The following SLC22A23 variants were observed in gnomAD, a reference collection of about 807,000 sequenced individuals.
SLC22A23 encodes solute carrier family 22 member 23, also known as ion transporter protein.
SLC22A23 carries 26 observed loss-of-function variants against 61.0 expected under a neutral mutation model. The ratio of observed to expected loss-of-function variants is 0.43; its 90% confidence interval spans 0.31 to 0.59. The LOEUF is 0.59. SLC22A23 is among the 20% of genes least tolerant of loss of function. The pLI is 0.11. For missense variants in SLC22A23, 796 were observed against 934.7 expected, an observed-to-expected ratio of 0.85 and a Z score of 1.94; for synonymous variants, 430 against 413.9, an observed-to-expected ratio of 1.04 and a Z score of -0.47.
intron 3 of SLC22A23, among the ~76,000 whole-genome samples, chr6:3,381,152 C>T (rs956999418): frequency 2.0e-5 from 3 of 152,112 alleles, no homozygotes; most frequent in South Asian, 4.1e-4. Context: ...CATCAGAGCC[C>T]GAGAACCATC....
intron 3 of SLC22A23, among the ~76,000 whole-genome samples, chr6:3,391,684 A>G (rs1319753072): frequency 6.6e-6 from 1 of 152,220 alleles, no homozygotes; most frequent in Non-Finnish European, 1.5e-5. Flanking sequence ...GATGAGTGGT[A>G]TGCGGAGATA....
intron 2 of SLC22A23, among the ~76,000 whole-genome samples, chr6:3,413,712 T>G (rs1196581266): frequency 6.6e-6 from 1 of 152,240 alleles, no homozygotes; most frequent in East Asian, 1.9e-4. Flanking sequence ...CCACTTCCCC[T>G]GCAGCCATGA....
intron 1 of SLC22A23, among the ~76,000 whole-genome samples, chr6:3,429,160 G>A (rs1429046786): frequency 6.6e-6 from 1 of 152,194 alleles, no homozygotes; most frequent in Non-Finnish European, 1.5e-5. Context: ...GGGTACAACA[G>A]TCCTGTCACC....
chr6:3,292,533 A>G lies in SLC22A23; in HGVS notation c.1211-2667T>C, dbSNP rs912650874. On this transcript the variant is annotated intron_variant, in intron 5 of 9. Coordinates refer to ENST00000406686, the MANE Select transcript of SLC22A23 (RefSeq NM_015482.2). ...GAGGACACATCAGCCTGCTTGACTT[A>G]GAGCCATCAGAAAATTTTCCAACCA... Among the ~76,000 whole-genome samples, 144 of 152,342 alleles carry G rather than the reference A, an allele frequency of 9.5e-4. 6 individuals are homozygous for G. The highest frequency in any genetic ancestry group is 7.8e-4 in the Admixed American group (12 of 15,304).
chr6:3,407,132 TG>T (rs1768894593), intron 3 of SLC22A23, among the ~76,000 whole-genome samples: 1 of 152,196 alleles, frequency 6.6e-6, no homozygotes, highest in African/African-American at 2.4e-5. Flanking sequence ...GAAAAGAAGT[TG>T]GGGCCATTAC....
rs11962937 is a variant in SLC22A23, at chr6:3,454,684, C to T, written c.654+1222G>A. The stretch of plus-strand genomic sequence containing the variant: ...TGAACCCAGCTAGAAGGACCTTCCC[C>T]ATTACCTTGCAGGGCAGCAGGGGCA... On this transcript the variant is annotated intron_variant, in intron 1 of 9. Transcript: ENST00000406686. This position sits in a 1 kb window ranked among gnomAD's most constrained non-coding sequence, Gnocchi z 4.3. Among the ~76,000 whole-genome samples the T allele has an allele frequency of 0.011, 1,629 of 152,272 alleles. 30 individuals carry two copies. Among genetic ancestry groups the T allele is most frequent in the African/African-American group, 0.037 (1,544 of 41,562 alleles).
At chr6:3,290,935 A>T (rs1760525367) in intron 5 of SLC22A23, 1 of 152,316 alleles carries the variant, frequency 6.6e-6, no homozygotes, top group Non-Finnish European at 1.5e-5. Flanking sequence ...AACAAGAAAG[A>T]CTGAGCAGCT....
intron 1 of SLC22A23, among the ~76,000 whole-genome samples, chr6:3,448,964 G>A (rs866687432): frequency 6.6e-6 from 1 of 152,288 alleles, no homozygotes; most frequent in Middle Eastern, 3.4e-3. Context: ...AGGAAAGGGA[G>A]ACCTGTGACC....
At chr6:3,385,249 A>G (rs893958736) in intron 3 of SLC22A23, among the ~76,000 whole-genome samples, 2 of 152,184 alleles carry the variant, frequency 1.3e-5, no homozygotes, top group Non-Finnish European at 2.9e-5. Flanking sequence ...ACGGTGGCTC[A>G]TGCCTGTAAT....
Position 3,330,826 on chromosome 6 carries a change from GA to G in SLC22A23, c.914-6825del, listed in dbSNP as rs1763542144. Reference sequence around the variant, plus strand: ...GAAAGAGTAGTTTTCTCCATTTAGAGAAAGGGAAAATTTTAAAAAACAGAGA... The same window carrying G: ...GAAAGAGTAGTTTTCTCCATTTAGAGAAGGGAAAATTTTAAAAAACAGAGA... On this transcript the variant is annotated intron_variant, in intron 3 of 9. Transcript: ENST00000406686. This position sits in a 1 kb window ranked among gnomAD's most constrained non-coding sequence, Gnocchi z 4.7. Among the ~76,000 whole-genome samples, 1 of 152,218 alleles carries G rather than the reference GA, an allele frequency of 6.6e-6. No homozygotes were observed. Among genetic ancestry groups the G allele is most frequent in the Non-Finnish European group, 1.5e-5 (1 of 68,044 alleles).
intron 4 of SLC22A23, among the ~76,000 whole-genome samples, chr6:3,320,400 C>T (rs1762879953): frequency 6.6e-6 from 1 of 152,164 alleles, no homozygotes; most frequent in African/African-American, 2.4e-5. Context: ...GACCGTGCCT[C>T]GTGCAGCTTG....
At position 3,333,100 on chromosome 6, in the gene SLC22A23, C is replaced by T. The variant is rs1298719703; in HGVS notation, c.914-9098G>A. ...ACCACTGACCCATGGAGCAAAGCGG[C>T]GGCGCCTCAGCCTCCCATCCTAGAG... On this transcript the variant is annotated intron_variant, in intron 3 of 9. Coordinates refer to ENST00000406686, the MANE Select transcript of SLC22A23 (RefSeq NM_015482.2). The surrounding 1 kb of genome is among the most constrained non-coding windows in gnomAD (Gnocchi z 4.1). Among the ~76,000 whole-genome samples the T allele has an allele frequency of 6.6e-6, 1 of 152,184 alleles. No homozygotes were observed. The highest frequency in any genetic ancestry group is 1.9e-4 in the East Asian group (1 of 5,190).
At chr6:3,282,244 T>C (rs911720607) in intron 9 of SLC22A23, 2 of 702,464 alleles carry the variant, frequency 2.8e-6, no homozygotes, top group African/African-American at 3.5e-5. Context: ...AGACAGGGAG[T>C]GAGCCTGCGG....
chr6:3,359,190 G>T (rs548246621), intron 3 of SLC22A23, among the ~76,000 whole-genome samples: 2 of 152,020 alleles, frequency 1.3e-5, no homozygotes, highest in South Asian at 4.2e-4. Flanking sequence ...GAAGGAGAGC[G>T]AGGAACATGC....
intron 3 of SLC22A23, among the ~76,000 whole-genome samples, chr6:3,399,319 G>A (rs1475253076): frequency 6.6e-6 from 1 of 152,228 alleles, no homozygotes; most frequent in Non-Finnish European, 1.5e-5. Context: ...TTTTGGGCCA[G>A]CAATCGGAAT....
intron 9 of SLC22A23, chr6:3,282,144 A>C (rs971138038): frequency 5.7e-6 from 4 of 696,358 alleles, no homozygotes; most frequent in Non-Finnish European, 1.0e-5. Flanking sequence ...CTGGAAACCC[A>C]GAAGGTCTGA....
rs1290474900 is a variant in SLC22A23 at position 3,271,938 on chromosome 6, C to G, written c.*1117G>C. The G allele has an allele frequency of 2.0e-5, 3 of 152,478 alleles. No homozygotes were observed. The highest frequency in any genetic ancestry group is 2.9e-5 in the Non-Finnish European group (2 of 68,156). The allele number at this position is 152,478 out of a possible 1,614,324, so 9.4% of individuals were successfully genotyped here. A position where few individuals can be genotyped will look rare whatever the true frequency, so the allele number is the denominator to read the frequency against. On this transcript the variant is annotated 3_prime_UTR_variant, in exon 10 of 10. Coordinates refer to ENST00000406686, the MANE Select transcript of SLC22A23 (RefSeq NM_015482.2). The stretch of plus-strand genomic sequence containing the variant: ...TCTCCGCTCCCTGCCCGAAGCCCCA[C>G]CTCTGTGCTATGCGAGTGACTGCAA...
Position 3,287,095 on chromosome 6 carries a change from T to C in SLC22A23, c.1314-4A>G, listed in dbSNP as rs1381039040. 6.2e-7 allele frequency: 1 copy of C among 1,613,694 alleles called. No individual in the cohort carries two copies. Among genetic ancestry groups the C allele is most frequent in the East Asian group, 2.2e-5 (1 of 44,862 alleles). ...GTGGATCCCGTACCCCGTCAGCCTG[T>C]GGAGACATACCGAGCGGCAGTGGGT... On this transcript the variant is annotated splice_polypyrimidine_tract_variant and splice_region_variant and intron_variant, in intron 6 of 9. Transcript: ENST00000406686.
At chr6:3,290,973 A>C (rs1760531369) in intron 5 of SLC22A23, 2 of 152,428 alleles carry the variant, frequency 1.3e-5, no homozygotes, top group South Asian at 4.1e-4. Flanking sequence ...GGGAGAGGGG[A>C]GGACAAGACG....
Sources: allele counts gnomAD v4.1 joint callset (sites outside exome capture counted in the v4.1 genomes callset), GRCh38; gene constraint gnomAD v4.1.1; non-coding constraint Gnocchi (gnomAD v3.1); transcripts MANE v1.5; gene names NCBI Gene and HGNC (gene_info 2026-07-23, HGNC 2026-07-21).